Variants in ZNF549 observed in about 807,000 individuals in gnomAD.
ZNF549 encodes zinc finger protein 549.
ZNF549 carries 11 observed loss-of-function variants against 11.1 expected under a neutral mutation model. The observed-to-expected ratio is 0.99, with a 90% CI of 0.62 to 1.64. The LOEUF is 1.64. Ranked by LOEUF, ZNF549 falls within the 40% of genes most tolerant of loss-of-function variation. The pLI, the probability that ZNF549 is intolerant of heterozygous loss-of-function variation, is 0.00. For synonymous variants in ZNF549, 266 were observed against 269.1 expected, an observed-to-expected ratio of 0.99 and a Z score of 0.11; for missense variants, 748 against 765.1, an observed-to-expected ratio of 0.98 and a Z score of 0.26.
At chr19:57,527,958 A>G (rs1266526102) in intron 1 of ZNF549, among the ~76,000 whole-genome samples, 1 of 152,178 alleles carries the variant, frequency 6.6e-6, no homozygotes, top group Non-Finnish European at 1.5e-5. Context: ...GTTGTGAACT[A>G]AAGGAGAACA....
At position 57,537,789 on chromosome 19, in the gene ZNF549, T is replaced by C. The variant is rs1193819775; in HGVS notation, c.785T>C (p.Phe262Ser). The change falls in exon 4 of 4, where the codon TTT becomes TCT. Residue 262 changes from phenylalanine (F) to serine (S), a missense_variant. By Grantham distance (155) the Phe-to-Ser change is radical. Coordinates refer to ENST00000376233, the MANE Select transcript of ZNF549 (RefSeq NM_001199295.2). ...YGKSLNSKYL[F>S]VEHQRTHNAE... ...AAATCCTTGAACTCTAAATACTTATTTGTTGAACACCAGAGAACCCATAAT... is the reference window on the plus strand; with the variant it reads ...AAATCCTTGAACTCTAAATACTTATCTGTTGAACACCAGAGAACCCATAAT... The C allele has an allele frequency of 1.9e-5, 30 of 1,614,066 alleles. No individual in the cohort carries two copies. Among genetic ancestry groups the C allele is most frequent in the Non-Finnish European group, 2.4e-5 (28 of 1,180,028 alleles).
At chr19:57,535,406 G>A in intron 3 of ZNF549, 136 bp downstream of exon 3, 1 of 1,313,244 alleles carries the variant, frequency 7.6e-7, no homozygotes. Flanking sequence ...GGAAGACATA[G>A]GCGTTGTGGT....
chr19:57,536,502 T>C (rs1462499633), intron 3 of ZNF549, among the ~76,000 whole-genome samples: 1 of 152,214 alleles, frequency 6.6e-6, no homozygotes, highest in African/African-American at 2.4e-5. Flanking sequence ...GTTCAACCAT[T>C]ATAAATCAAA....
chr19:57,530,828 T>C (rs1459984886), intron 1 of ZNF549, among the ~76,000 whole-genome samples: 1 of 151,986 alleles, frequency 6.6e-6, no homozygotes, highest in Non-Finnish European at 1.5e-5. Flanking sequence ...TAAAAAATGT[T>C]TACAGAAATC....
chr19:57,527,773 C>T (rs1264626644), intron 1 of ZNF549, among the ~76,000 whole-genome samples, 167 bp downstream of exon 1: 1 of 152,090 alleles, frequency 6.6e-6, no homozygotes, highest in East Asian at 1.9e-4. Context: ...CGTTGCGTAC[C>T]GTGGGGGCTG....
At position 57,538,941 on chromosome 19, in the gene ZNF549, G is replaced by A. The variant is rs747375367; in HGVS notation, c.*14G>A. ...GAAGAGCCCTAGCAATTGTTGGGAT[G>A]TGTAATTGTCTTATTCACTGTAGGA... On this transcript the variant is annotated 3_prime_UTR_variant, in exon 4 of 4. Coordinates refer to ENST00000376233, the MANE Select transcript of ZNF549 (RefSeq NM_001199295.2). 7.7e-5 allele frequency: 123 copies of A among 1,587,860 alleles called. No homozygotes were observed. Among genetic ancestry groups the A allele is most frequent in the Admixed American group, 1.2e-4 (7 of 59,020 alleles).
At chr19:57,535,456 C>T (rs2089920442) in intron 3 of ZNF549, 186 bp downstream of exon 3, 4 of 744,708 alleles carry the variant, frequency 5.4e-6, no homozygotes, top group Non-Finnish European at 8.3e-6. Flanking sequence ...ATCTACTGTC[C>T]TGAAGCCTTT....
chr19:57,537,862 TAAAC>T lies in ZNF549; in HGVS notation c.864_867del (p.Gln288HisfsTer25), dbSNP rs1300584682. 2.5e-6 allele frequency: 4 copies of T among 1,612,968 alleles called. No individual in the cohort carries two copies. The highest frequency in any genetic ancestry group is 8.5e-7 in the Non-Finnish European group (1 of 1,179,642). On this transcript the variant is annotated frameshift_variant, in exon 4 of 4. Coordinates refer to ENST00000376233, the MANE Select transcript of ZNF549 (RefSeq NM_001199295.2). LOFTEE classifies it low-confidence loss of function (END_TRUNC). ...ATATATGTGGGAAATCATTCCTCCA[TAAAC>T]AAACACTCGTTGGGCACCAGCAGAG...
chr19:57,534,439 T>G (rs1364816637), intron 2 of ZNF549, among the ~76,000 whole-genome samples: 1 of 152,112 alleles, frequency 6.6e-6, no homozygotes, highest in African/African-American at 2.4e-5. Context: ...TGTGACAGAT[T>G]AGGTTAAAAG....
At chr19:57,530,789 T>C (rs189473953) in intron 1 of ZNF549, among the ~76,000 whole-genome samples, 42 of 152,126 alleles carry the variant, frequency 2.8e-4, no homozygotes, top group Non-Finnish European at 4.6e-4. Context: ...CATAAAGACT[T>C]AAATGGCAAG....
intron 1 of ZNF549, among the ~76,000 whole-genome samples, chr19:57,530,550 T>G (rs1416558200): frequency 5.3e-5 from 8 of 152,200 alleles, no homozygotes; most frequent in Non-Finnish European, 1.0e-4. Context: ...ATTACAGTGG[T>G]CTGGACATTG....
rs191465050 is a variant in ZNF549 at position 57,531,818 on chromosome 19, C to G, written c.72+710C>G. On this transcript the variant is annotated intron_variant, in intron 2 of 3. Transcript: ENST00000376233. ...TGGGACAGTGTAAGATTTTATCACA[C>G]TACTCAGAGAAGCACGTCATTTATA... Among the ~76,000 whole-genome samples the G allele has an allele frequency of 8.8e-4, 134 of 152,280 alleles. 1 individual carries two copies. In the East Asian group the frequency reaches 0.017, roughly 19 times the overall value.
At chr19:57,531,007 C>A in intron 1 of ZNF549, 63 bp from the exon 2 acceptor site, 1 of 1,534,060 alleles carries the variant, frequency 6.5e-7, no homozygotes, top group Non-Finnish European at 8.9e-7. Flanking sequence ...TTGGCAAGAG[C>A]AACTTACCCT....
chr19:57,537,497 A>C lies in ZNF549; in HGVS notation c.493A>C (p.Ser165Arg). 1 of 1,614,216 alleles carries C rather than the reference A, an allele frequency of 6.2e-7. No individual in the cohort carries two copies. The highest frequency in any genetic ancestry group is 8.5e-7 in the Non-Finnish European group (1 of 1,180,036). The change falls in exon 4 of 4, where the codon AGC becomes CGC. Residue 165 changes from serine to arginine, a missense_variant. By Grantham distance (110) the Ser-to-Arg change is moderately radical. Transcript: ENST00000376233. ...AGAGAAACACATCAGAAAGGAGGAG[A>C]GCAGTGCCTTGCTTCTGAATAGCTG... The part of the protein sequence containing the change: ...SGEKHIRKEE[S>R]SALLLNSCKI...
chr19:57,539,184 A>C lies in ZNF549; in HGVS notation c.*257A>C, dbSNP rs1301320710. ...TCACTCACATGTGCTCAAGGAATGC[A>C]GACCACTGTGCTTACCAAATTCTGA... On this transcript the variant is annotated 3_prime_UTR_variant, in exon 4 of 4. Transcript: ENST00000376233. The C allele has an allele frequency of 2.3e-6, 1 of 443,592 alleles. No individual in the cohort carries two copies. Among genetic ancestry groups the C allele is most frequent in the East Asian group, 3.7e-5 (1 of 26,908 alleles). The allele number at this position is 443,592 out of a possible 1,614,324, so 27.5% of individuals were successfully genotyped here. A position where few individuals can be genotyped will look rare whatever the true frequency, so the allele number is the denominator to read the frequency against.
At chr19:57,535,340 C>G (rs1279351910) in intron 3 of ZNF549, 70 bp downstream of exon 3, 2 of 1,537,612 alleles carry the variant, frequency 1.3e-6, no homozygotes, top group Admixed American at 3.7e-5. Context: ...CAGGAGTTTC[C>G]TGTCTTTCCC....
At chr19:57,537,059 A>C (rs1445614439) in intron 3 of ZNF549, 145 bp from the exon 4 acceptor site, 1 of 883,302 alleles carries the variant, frequency 1.1e-6, no homozygotes, top group Non-Finnish European at 1.7e-6. Context: ...CTGCAACTGC[A>C]CTCCCATCTG....
At chr19:57,537,180 T>C in intron 3 of ZNF549, 24 bp from the exon 4 acceptor site, 1 of 1,595,440 alleles carries the variant, frequency 6.3e-7, no homozygotes, top group Non-Finnish European at 8.5e-7. Flanking sequence ...TGCATATACT[T>C]CACTTGCATT....
chr19:57,531,845 T>C (rs1477354289), intron 2 of ZNF549, among the ~76,000 whole-genome samples: 1 of 152,186 alleles, frequency 6.6e-6, no homozygotes, highest in Non-Finnish European at 1.5e-5. Context: ...TCATTTATAA[T>C]TTTTGGGTTG....
Sources: allele counts gnomAD v4.1 joint callset (sites outside exome capture counted in the v4.1 genomes callset), GRCh38; gene constraint gnomAD v4.1.1; transcripts MANE v1.5; gene names NCBI Gene and HGNC (gene_info 2026-07-23, HGNC 2026-07-21).